The following SCAMP1 variants were observed in gnomAD, a reference collection of about 807,000 sequenced individuals.
The protein encoded by SCAMP1 is secretory carrier membrane protein 1.
A neutral mutation model predicts 41.8 loss-of-function variants in SCAMP1; 15 were observed. The observed-to-expected ratio is 0.36, with a 90% CI of 0.24 to 0.55. The LOEUF is 0.55. Among genes scored for constraint, SCAMP1 ranks in the 20% least tolerant of loss-of-function variants. The probability of loss-of-function intolerance (pLI) is 0.86; values close to 1 mark genes in which losing one functional copy is unlikely to be tolerated. For missense variants in SCAMP1, 341 were observed against 412.6 expected (o/e 0.83, Z 1.50); for synonymous variants, 135 against 136.8 (o/e 0.99, Z 0.09).
At chr5:78,441,933 A>C (rs1359369686) in intron 6 of SCAMP1, among the ~76,000 whole-genome samples, 1 of 152,218 alleles carries the variant, frequency 6.6e-6, no homozygotes. Context: ...GCTCGAGACC[A>C]GGCTGGGCAA....
intron 4 of SCAMP1, among the ~76,000 whole-genome samples, chr5:78,418,533 TATGATA>T (rs1299198582): frequency 7.9e-5 from 12 of 152,312 alleles, no homozygotes; most frequent in African/African-American, 2.6e-4. Context: ...CTAAACATGG[TATGATA>T]TGACACTGGA....
At chr5:78,456,266 T>C (rs2112222832) in intron 7 of SCAMP1, among the ~76,000 whole-genome samples, 1 of 150,058 alleles carries the variant, frequency 6.7e-6, no homozygotes, top group East Asian at 2.0e-4. Context: ...GTTGATGCAG[T>C]TTCTTCCTAG....
At chr5:78,383,853 A>C (rs1751270747) in intron 1 of SCAMP1, among the ~76,000 whole-genome samples, 1 of 152,256 alleles carries the variant, frequency 6.6e-6, no homozygotes. Flanking sequence ...TATAGTTTGA[A>C]GTCTGGTAAT....
At chr5:78,457,215 C>T (rs969208874) in intron 7 of SCAMP1, among the ~76,000 whole-genome samples, 3 of 152,176 alleles carry the variant, frequency 2.0e-5, no homozygotes, top group Non-Finnish European at 4.4e-5. Flanking sequence ...CAGCTTTGTT[C>T]CGTTGCTGGT....
At chr5:78,391,481 G>A (rs80097333) in intron 2 of SCAMP1, among the ~76,000 whole-genome samples, 1 of 150,866 alleles carries the variant, frequency 6.6e-6, no homozygotes, top group Non-Finnish European at 1.5e-5. Context: ...CCTCCCGGAT[G>A]GGGTGGCTGC....
At chr5:78,473,685 TACCCA>T (rs1283827989) in intron 8 of SCAMP1, among the ~76,000 whole-genome samples, 1 of 152,170 alleles carries the variant, frequency 6.6e-6, no homozygotes, top group Non-Finnish European at 1.5e-5. Flanking sequence ...TGTCCATGTA[TACCCA>T]ATGTTTAGCT....
chr5:78,451,503 T>C (rs1753224884), intron 7 of SCAMP1, among the ~76,000 whole-genome samples: 1 of 152,208 alleles, frequency 6.6e-6, no homozygotes, highest in Admixed American at 6.5e-5. Flanking sequence ...TGGCAATCAC[T>C]AATGTGTTCT....
chr5:78,384,160 T>C (rs1408908708), intron 1 of SCAMP1, among the ~76,000 whole-genome samples: 1 of 145,042 alleles, frequency 6.9e-6, no homozygotes, highest in Non-Finnish European at 1.5e-5. Context: ...TTTGGTTAGG[T>C]ATATTCCCAA....
At chr5:78,370,649 G>A (rs1053884245) in intron 1 of SCAMP1, 3 of 152,152 alleles carry the variant, frequency 2.0e-5, no homozygotes, top group African/African-American at 7.2e-5. Context: ...TCCTGTACAA[G>A]TGTTCTGTTT....
intron 2 of SCAMP1, 36 bp downstream of exon 2, chr5:78,388,950 A>G (rs778202892): frequency 1.4e-5 from 15 of 1,054,656 alleles, no homozygotes; most frequent in Admixed American, 2.5e-5. Context: ...TTTAAATTGA[A>G]ATTCAGTAGG....
intron 6 of SCAMP1, among the ~76,000 whole-genome samples, chr5:78,430,275 T>TAC (rs1273592086): frequency 6.9e-6 from 1 of 145,004 alleles, no homozygotes; most frequent in African/African-American, 2.6e-5. Flanking sequence ...TATAAATAAA[T>TAC]AGTATTTATT....
At chr5:78,365,202 C>G (rs1372908869) in intron 1 of SCAMP1, among the ~76,000 whole-genome samples, 1 of 151,980 alleles carries the variant, frequency 6.6e-6, no homozygotes, top group African/African-American at 2.4e-5. Context: ...TGGCCAGGCG[C>G]AGTGGCTCAC....
intron 1 of SCAMP1, among the ~76,000 whole-genome samples, chr5:78,381,170 G>A (rs1419794789): frequency 6.6e-6 from 1 of 152,254 alleles, no homozygotes; most frequent in African/African-American, 2.4e-5. Flanking sequence ...GATGTTGATG[G>A]AGCTCTCATA....
rs373323899 is a variant in SCAMP1 at position 78,457,765 on chromosome 5, T to C, written c.735-1480T>C. Reference sequence around the variant, plus strand: ...TTACCTAAGCAAGCCTGGGCAATGGTGGGCGCCCCTCCCCCAGCCTCGCTG... The same window carrying C: ...TTACCTAAGCAAGCCTGGGCAATGGCGGGCGCCCCTCCCCCAGCCTCGCTG... On this transcript the variant is annotated intron_variant, in intron 7 of 8. Coordinates refer to ENST00000621999, the MANE Select transcript of SCAMP1 (RefSeq NM_004866.6). 854 of 157,978 alleles carry C rather than the reference T, an allele frequency of 5.4e-3. 8 individuals are homozygous for C. The highest frequency in any genetic ancestry group is 0.017 in the African/African-American group (688 of 41,630). The allele number at this position is 157,978 out of a possible 1,614,324, so 9.8% of individuals were successfully genotyped here.
chr5:78,367,870 G>T (rs1450778706), intron 1 of SCAMP1, among the ~76,000 whole-genome samples: 2 of 152,182 alleles, frequency 1.3e-5, no homozygotes, highest in African/African-American at 4.8e-5. Flanking sequence ...AATGTTTCTT[G>T]ATTAGGGCCC....
chr5:78,388,907 C>A lies in SCAMP1; in HGVS notation c.128C>A (p.Ser43Tyr). 4 of 1,472,058 alleles carry A rather than the reference C, an allele frequency of 2.7e-6. No individual in the cohort carries two copies. The highest frequency in any genetic ancestry group is 3.8e-6 in the Non-Finnish European group (4 of 1,065,938). 91.2% of individuals were successfully genotyped at this position (1,472,058 alleles called of 1,614,324 possible). A position where few individuals can be genotyped will look rare whatever the true frequency, so the allele number is the denominator to read the frequency against. The part of the protein sequence containing the change: ...GLDEYNPFSD[S>Y]RTPPPGGVKM... Reference sequence around the variant, plus strand: ...GATGAATATAATCCATTCTCGGATTCTAGAACAGTAAGATTATTCTTGCTT... The same window carrying A: ...GATGAATATAATCCATTCTCGGATTATAGAACAGTAAGATTATTCTTGCTT... Residue 43 changes from serine (S) to tyrosine (Y), a missense_variant, in exon 2 of 9, where the codon TCT (serine) becomes TAT (tyrosine). By Grantham distance (144) the Ser-to-Tyr change is moderately radical (BLOSUM62 -2). Coordinates refer to ENST00000621999, the MANE Select transcript of SCAMP1 (RefSeq NM_004866.6).
intron 6 of SCAMP1, among the ~76,000 whole-genome samples, chr5:78,446,101 G>A (rs1753045953): frequency 6.6e-6 from 1 of 152,094 alleles, no homozygotes; most frequent in Non-Finnish European, 1.5e-5. Context: ...AATAAAACTA[G>A]ACAAAAGTAA....
intron 6 of SCAMP1, among the ~76,000 whole-genome samples, chr5:78,427,364 T>C (rs551210657): frequency 1.2e-3 from 177 of 152,244 alleles, no homozygotes; most frequent in African/African-American, 4.2e-3. Flanking sequence ...GATCGATCAT[T>C]CATGAGTGAT....
At chr5:78,470,593 A>T (rs370219824) in intron 8 of SCAMP1, among the ~76,000 whole-genome samples, 1 of 152,080 alleles carries the variant, frequency 6.6e-6, no homozygotes, top group Admixed American at 6.6e-5. Flanking sequence ...CCTTTTGGCT[A>T]TTGTGAATAG....
Sources: gnomAD v4.1 joint callset for allele counts (sites outside exome capture counted in the v4.1 genomes callset) on GRCh38, gnomAD v4.1.1 for gene constraint, MANE v1.5 for transcripts, NCBI Gene and HGNC (gene_info 2026-07-23, HGNC 2026-07-21) for gene names.